SYN2: variants seen among roughly 807,000 people sequenced by gnomAD.
The protein encoded by SYN2 is synapsin-2.
In SYN2, 19 loss-of-function variants were observed where a neutral mutation model predicts 50.9. That is an observed-to-expected ratio of 0.37 (90% CI 0.26 to 0.55). SYN2 has a LOEUF of 0.55. Ranked by LOEUF, SYN2 falls within the 20% of genes least tolerant of loss-of-function variation. The probability of loss-of-function intolerance (pLI) is 0.81; values close to 1 mark genes in which losing one functional copy is unlikely to be tolerated. For missense variants in SYN2, 587 were observed against 576.4 expected (o/e 1.02, Z -0.19); for synonymous variants, 255 against 224.9 (o/e 1.13, Z -1.20).
intron 1 of SYN2, among the ~76,000 whole-genome samples, chr3:12,123,437 C>T (rs777848229): frequency 1.3e-5 from 2 of 152,132 alleles, no homozygotes; most frequent in Non-Finnish European, 2.9e-5. Flanking sequence ...AAAAACAAAA[C>T]AATCTAGAAT....
In SYN2 at chr3:12,004,864, C is replaced by G. The variant is rs2923857; in HGVS notation, c.313C>G (p.Pro105Ala). ...GGCTGGCCTGGTGGACGCGCCCGCT[C>G]CCGCGCCCGCAGCCGCCAGGAAGGC... Reference protein sequence around the residue: ...ASAGLVDAPAPAPAAARKAKV... With the variant: ...ASAGLVDAPAAAPAAARKAKV... The change falls in exon 1 of 13, where the codon CCC (proline) becomes GCC (alanine). Residue 105 changes from proline (P) to alanine (A), a missense_variant. Coordinates refer to ENST00000621198, the MANE Select transcript of SYN2 (RefSeq NM_133625.6). 76,193 of 564,394 alleles carry G rather than the reference C, an allele frequency of 0.14. 6,116 individuals carry two copies. The highest frequency in any genetic ancestry group is 0.17 in the Non-Finnish European group (53,362 of 316,212). The allele number at this position is 564,394 out of a possible 1,614,324, so 35.0% of individuals were successfully genotyped here.
Position 12,190,689 on chromosome 3 carries a change from A to T in SYN2, c.*64A>T. The T allele has an allele frequency of 6.3e-7, 1 of 1,583,240 alleles. No homozygotes were observed. The highest frequency in any genetic ancestry group is 8.6e-7 in the Non-Finnish European group (1 of 1,165,550). On this transcript the variant is annotated 3_prime_UTR_variant, in exon 13 of 13. Transcript: ENST00000621198. ...GGCATCTAAGACATTCACCAACAAC[A>T]GTCAGCCAGCTTGGTGGTTATGTCC...
At chr3:12,110,434 C>A (rs549708341) in intron 1 of SYN2, among the ~76,000 whole-genome samples, 1 of 152,100 alleles carries the variant, frequency 6.6e-6, no homozygotes, top group African/African-American at 2.4e-5. Context: ...ATTATGGGGT[C>A]GGAGGACAGT....
At chr3:12,023,646 A>T (rs1436108915) in intron 1 of SYN2, among the ~76,000 whole-genome samples, 1 of 152,304 alleles carries the variant, frequency 6.6e-6, no homozygotes, top group South Asian at 2.1e-4. Flanking sequence ...CAAAGCTCAC[A>T]TATTTTTTCT....
intron 1 of SYN2, among the ~76,000 whole-genome samples, chr3:12,080,806 A>C (rs1452299975): frequency 6.6e-6 from 1 of 152,214 alleles, no homozygotes; most frequent in Non-Finnish European, 1.5e-5. Flanking sequence ...AGTTCTGTAG[A>C]TATCTATCAG....
intron 5 of SYN2, chr3:12,158,766 C>A (rs781659560): frequency 1.9e-6 from 3 of 1,606,150 alleles, no homozygotes; most frequent in South Asian, 2.2e-5. Flanking sequence ...CCTCACCCAG[C>A]CCCGGGGGCC....
chr3:12,064,387 T>A (rs1173822585), intron 1 of SYN2, among the ~76,000 whole-genome samples: 1 of 152,004 alleles, frequency 6.6e-6, no homozygotes, highest in African/African-American at 2.4e-5. Flanking sequence ...AAAGAAAATA[T>A]AAATAAATTG....
chr3:12,156,042 G>A (rs751934924), intron 5 of SYN2, among the ~76,000 whole-genome samples: 7 of 152,170 alleles, frequency 4.6e-5, no homozygotes, highest in Non-Finnish European at 7.3e-5. Context: ...CTCTTTTAAG[G>A]ACTGTGCCTT....
rs866084399 is a variant in SYN2, at chr3:12,084,988, A to G, written c.378-55663A>G. ...AGAAAAGAGGAACAAAGGGTCTACA[A>G]ATTAACTAGGAAAAAAAAAATCAGC... is the stretch of plus-strand genomic sequence containing the variant. On this transcript the variant is annotated intron_variant, in intron 1 of 12. Coordinates refer to ENST00000621198, the MANE Select transcript of SYN2 (RefSeq NM_133625.6). Among the ~76,000 whole-genome samples the G allele has an allele frequency of 5.5e-4, 40 of 73,148 alleles. No homozygotes were observed. The Middle Eastern group carries it at 0.021, about 39-fold the overall frequency. 48.0% of individuals were successfully genotyped at this position (73,148 alleles called of 152,430 possible).
At chr3:12,177,050 G>C (rs939373774) in intron 10 of SYN2, among the ~76,000 whole-genome samples, 19 of 152,214 alleles carry the variant, frequency 1.2e-4, no homozygotes, top group Admixed American at 1.2e-3. Context: ...GATCCAGACT[G>C]TGTGCAGCCA....
At chr3:12,036,925 G>T (rs2618407) in intron 1 of SYN2, among the ~76,000 whole-genome samples, 1 of 151,964 alleles carries the variant, frequency 6.6e-6, no homozygotes, top group Admixed American at 6.5e-5. Flanking sequence ...GAAGCATCTT[G>T]AACACTTTGC....
At chr3:12,047,028 T>G (rs1487080137) in intron 1 of SYN2, among the ~76,000 whole-genome samples, 1 of 152,222 alleles carries the variant, frequency 6.6e-6, no homozygotes, top group Non-Finnish European at 1.5e-5. Flanking sequence ...ACTCCATGAC[T>G]GTTCCATATC....
chr3:12,134,537 C>T (rs1696856569), intron 1 of SYN2, among the ~76,000 whole-genome samples: 1 of 152,254 alleles, frequency 6.6e-6, no homozygotes, highest in South Asian at 2.1e-4. Flanking sequence ...TTCTTTAAGA[C>T]TCAGTTCAGT....
chr3:12,042,858 G>A (rs307579), intron 1 of SYN2, among the ~76,000 whole-genome samples: 97,550 of 151,936 alleles, frequency 0.64, 33,837 homozygotes, highest in South Asian at 0.79. Context: ...CTAGGGAATG[G>A]CAAGGATTGC....
chr3:12,104,574 T>TTC (rs1559421459), intron 1 of SYN2, among the ~76,000 whole-genome samples: 1 of 126,360 alleles, frequency 7.9e-6, no homozygotes, highest in African/African-American at 3.1e-5. Context: ...TCTTTTCTTT[T>TTC]TTTTTTTTTT....
chr3:12,169,985 T>TGGAG, intron 10 of SYN2, 79 bp downstream of exon 10: 1 of 1,494,476 alleles, frequency 6.7e-7, no homozygotes, highest in South Asian at 1.3e-5. Context: ...GGCTAAAGAA[T>TGGAG]GGAGTACAGG....
intron 4 of SYN2, among the ~76,000 whole-genome samples, chr3:12,147,981 G>A (rs545927017): frequency 3.9e-5 from 6 of 152,236 alleles, no homozygotes; most frequent in Middle Eastern, 3.4e-3. Flanking sequence ...GGGTGTGGTG[G>A]CAGGTGCCTG....
chr3:12,147,315 G>C (rs1697174754), intron 4 of SYN2, among the ~76,000 whole-genome samples: 1 of 152,090 alleles, frequency 6.6e-6, no homozygotes, highest in Non-Finnish European at 1.5e-5. Context: ...AAGCCAGGGA[G>C]AGCTTGGAGT....
chr3:12,048,770 G>T (rs1694794050), intron 1 of SYN2, among the ~76,000 whole-genome samples: 1 of 152,182 alleles, frequency 6.6e-6, no homozygotes, highest in South Asian at 2.1e-4. Context: ...TGAGGCACAG[G>T]AAAGATAATA....
Sources: gnomAD v4.1 joint callset for allele counts (sites outside exome capture counted in the v4.1 genomes callset) on GRCh38, gnomAD v4.1.1 for gene constraint, MANE v1.5 for transcripts, NCBI Gene and HGNC (gene_info 2026-07-23, HGNC 2026-07-21) for gene names.